The following NAALADL2 variants were observed in gnomAD, a reference collection of about 807,000 sequenced individuals.
NAALADL2 encodes inactive N-acetylated-alpha-linked acidic dipeptidase-like protein 2.
A neutral mutation model predicts 87.2 loss-of-function variants in NAALADL2; 76 were observed. The ratio of observed to expected loss-of-function variants is 0.87; its 90% confidence interval spans 0.72 to 1.05. The LOEUF (loss-of-function observed/expected upper bound fraction) is 1.05, where lower values mean the gene tolerates loss of function less well. Ranked by LOEUF, NAALADL2 falls within the 50% of genes least tolerant of loss-of-function variation. The pLI, the probability that NAALADL2 is intolerant of heterozygous loss-of-function variation, is 0.00. For synonymous variants in NAALADL2, 354 were observed against 331.0 expected (o/e 1.07, Z -0.75); for missense variants, 1,089 against 945.8 (o/e 1.15, Z -1.99).
At chr3:174,932,602 C>G (rs1432149583) in intron 1 of NAALADL2, among the ~76,000 whole-genome samples, 1 of 151,952 alleles carries the variant, frequency 6.6e-6, no homozygotes, top group Non-Finnish European at 1.5e-5. Context: ...TAGCTTCCTT[C>G]TTATTAATAA....
At position 175,578,916 on chromosome 3, in the gene NAALADL2, C is replaced by T. The variant is rs568334303; in HGVS notation, c.1800+2729C>T. Among the ~76,000 whole-genome samples the T allele has an allele frequency of 3.3e-5, 5 of 152,310 alleles. No homozygotes were observed. In the South Asian group the frequency reaches 6.2e-4, roughly 19 times the overall value. ...CAGTTAAGAAGAAAATTTTCTTCAACACCTGTTTCTGTCAAAGATTAGAAG... is the reference window on the plus strand; with the variant it reads ...CAGTTAAGAAGAAAATTTTCTTCAATACCTGTTTCTGTCAAAGATTAGAAG... On this transcript the variant is annotated intron_variant, in intron 10 of 13. Coordinates refer to ENST00000454872, the MANE Select transcript of NAALADL2 (RefSeq NM_207015.3).
rs561056677 is a variant in NAALADL2, at chr3:174,668,240, T to C, written c.-114-69401T>C. On this transcript the variant is annotated intron_variant, in intron 2 of 3. Coordinates refer to the NAALADL2 transcript ENST00000434257. Reference sequence around the variant, plus strand: ...TAGTTGTTGAGTTATGGGAGTTCATTGTATATTCTGGATGTTAGCCTCTTA... The same window carrying C: ...TAGTTGTTGAGTTATGGGAGTTCATCGTATATTCTGGATGTTAGCCTCTTA... Among the ~76,000 whole-genome samples, 7 of 152,282 alleles carry C rather than the reference T, an allele frequency of 4.6e-5. No homozygotes were observed. The South Asian group carries it at 1.4e-3, about 32-fold the overall frequency.
intron 2 of NAALADL2, among the ~76,000 whole-genome samples, chr3:174,735,712 A>G (rs975400951): frequency 2.0e-5 from 3 of 152,088 alleles, no homozygotes; most frequent in Non-Finnish European, 4.4e-5. Context: ...GGCATGCACC[A>G]TCATGCCCAG....
At chr3:174,929,089 A>G (rs1736496689) in intron 1 of NAALADL2, among the ~76,000 whole-genome samples, 1 of 152,176 alleles carries the variant, frequency 6.6e-6, no homozygotes, top group South Asian at 2.1e-4. Flanking sequence ...TTGACTGAAA[A>G]AATAAAGGAG....
At chr3:175,466,941 C>T in intron 7 of NAALADL2, 38 bp from the exon 8 acceptor site, 2 of 1,499,068 alleles carry the variant, frequency 1.3e-6, no homozygotes, top group Admixed American at 1.7e-5. Context: ...TTAAGGTTTA[C>T]ATTTTTTTAA....
At chr3:175,175,597 T>G (rs1200493292) in intron 2 of NAALADL2, among the ~76,000 whole-genome samples, 1 of 152,114 alleles carries the variant, frequency 6.6e-6, no homozygotes, top group East Asian at 1.9e-4. Context: ...AATTATTTAG[T>G]TTTCATCTGA....
intron 1 of NAALADL2, among the ~76,000 whole-genome samples, chr3:174,472,376 C>T (rs1263545520): frequency 3.3e-5 from 5 of 152,148 alleles, no homozygotes; most frequent in Non-Finnish European, 7.4e-5. Flanking sequence ...ATGGCACTGC[C>T]ATGAGTGCTT....
intron 1 of NAALADL2, among the ~76,000 whole-genome samples, chr3:174,469,035 T>G (rs2108306303): frequency 6.6e-6 from 1 of 152,276 alleles, no homozygotes; most frequent in Admixed American, 6.5e-5. Flanking sequence ...AGTGCTGGGA[T>G]TACAGGCGTG....
intron 1 of NAALADL2, among the ~76,000 whole-genome samples, chr3:174,533,132 G>A (rs1170577296): frequency 5.3e-5 from 8 of 150,664 alleles, no homozygotes; most frequent in Admixed American, 2.7e-4. Flanking sequence ...TTAGCCAACC[G>A]GGATTAGTTT....
intron 3 of NAALADL2, among the ~76,000 whole-genome samples, chr3:174,813,154 G>T (rs1192593485): frequency 6.6e-6 from 1 of 152,110 alleles, no homozygotes; most frequent in South Asian, 2.1e-4. Context: ...CTATACAGGT[G>T]TACTGTTCTC....
At chr3:174,843,016 G>A (rs919997426) in intron 3 of NAALADL2, among the ~76,000 whole-genome samples, 1 of 151,770 alleles carries the variant, frequency 6.6e-6, no homozygotes, top group Non-Finnish European at 1.5e-5. Flanking sequence ...ATATTTATGA[G>A]GTTCAATTTG....
chr3:174,723,055 A>G (rs761057328), intron 2 of NAALADL2, among the ~76,000 whole-genome samples: 17 of 152,148 alleles, frequency 1.1e-4, no homozygotes, highest in Non-Finnish European at 2.2e-4. Flanking sequence ...CATGGTGAAG[A>G]AAATAAAAAA....
chr3:174,915,202 G>T (rs1734210674), intron 1 of NAALADL2, among the ~76,000 whole-genome samples: 1 of 152,096 alleles, frequency 6.6e-6, no homozygotes, highest in African/African-American at 2.4e-5. Context: ...TATGAGTGTG[G>T]GTGGGGAGGT....
At chr3:174,903,324 A>G (rs980235354) in intron 1 of NAALADL2, among the ~76,000 whole-genome samples, 1 of 152,098 alleles carries the variant, frequency 6.6e-6, no homozygotes, top group African/African-American at 2.4e-5. Context: ...GTAGTGTTTT[A>G]AAGTGTTCAA....
At chr3:174,904,302 C>T (rs1376678026) in intron 1 of NAALADL2, among the ~76,000 whole-genome samples, 1 of 151,732 alleles carries the variant, frequency 6.6e-6, no homozygotes, top group Admixed American at 6.6e-5. Context: ...TGATATGTTA[C>T]CAACTTATTA....
chr3:175,691,699 A>G (rs1176311636), intron 11 of NAALADL2, among the ~76,000 whole-genome samples: 1 of 152,062 alleles, frequency 6.6e-6, no homozygotes, highest in African/African-American at 2.4e-5. Flanking sequence ...GAATGGCTTT[A>G]GTATATCCAC....
chr3:175,296,321 A>G (rs962851001), intron 4 of NAALADL2, among the ~76,000 whole-genome samples: 15 of 152,188 alleles, frequency 9.9e-5, no homozygotes, highest in African/African-American at 3.6e-4. Flanking sequence ...CAAACTGCCA[A>G]TAATACTTCC....
chr3:175,642,052 A>C (rs1195886714), intron 11 of NAALADL2, among the ~76,000 whole-genome samples: 1 of 152,184 alleles, frequency 6.6e-6, no homozygotes, highest in East Asian at 1.9e-4. Context: ...GAAACAGAAC[A>C]ATGCCAGTCC....
At chr3:174,858,442 G>T (rs576461505), upstream of NAALADL2, among the ~76,000 whole-genome samples, 86 of 152,116 alleles carry the variant, frequency 5.7e-4, no homozygotes, top group Admixed American at 8.5e-4. Context: ...TTTTTGTTGA[G>T]TCACAACAGT....
Sources: allele counts gnomAD v4.1 joint callset (sites outside exome capture counted in the v4.1 genomes callset), GRCh38; gene constraint gnomAD v4.1.1; transcripts MANE v1.5; gene names NCBI Gene and HGNC (gene_info 2026-07-23, HGNC 2026-07-21).